CD96: variants seen among roughly 807,000 people sequenced by gnomAD.
The protein encoded by CD96 is CD96 molecule, also known as T-cell surface protein tactile.
Under a neutral mutation model 71.3 loss-of-function variants are expected in CD96, and 70 were observed. The ratio of observed to expected loss-of-function variants is 0.98; its 90% CI spans 0.81 to 1.20. The LOEUF is 1.20. Ranked by LOEUF, CD96 falls within the 50% of genes most tolerant of loss-of-function variation. CD96 has a pLI of 0.00. For synonymous variants in CD96, 248 were observed against 233.0 expected (o/e 1.06, Z -0.59); for missense variants, 742 against 677.5 (o/e 1.10, Z -1.06).
intron 8 of CD96, among the ~76,000 whole-genome samples, chr3:111,612,053 C>T (rs1456403826): frequency 1.3e-5 from 2 of 152,160 alleles, no homozygotes; most frequent in African/African-American, 2.4e-5. Context: ...TGTGTTTAAA[C>T]GTCAACTAAT....
chr3:111,544,749 C>G (rs1233271437), intron 1 of CD96, among the ~76,000 whole-genome samples: 1 of 152,186 alleles, frequency 6.6e-6, no homozygotes, highest in Admixed American at 6.5e-5. Context: ...TTCAAATAGG[C>G]TTAATTTTAT....
At chr3:111,565,423 C>G (rs1471623662) in intron 2 of CD96, among the ~76,000 whole-genome samples, 2 of 151,910 alleles carry the variant, frequency 1.3e-5, no homozygotes, top group Non-Finnish European at 2.9e-5. Flanking sequence ...AGATTCTGGA[C>G]AAAATTTACA....
At chr3:111,642,300 T>G (rs1939628505) in intron 12 of CD96, among the ~76,000 whole-genome samples, 2 of 151,966 alleles carry the variant, frequency 1.3e-5, no homozygotes, top group South Asian at 4.2e-4. Flanking sequence ...AATTAAGAAA[T>G]GAAATGGGAG....
chr3:111,626,810 G>A (rs907576283), intron 10 of CD96, among the ~76,000 whole-genome samples: 4 of 152,110 alleles, frequency 2.6e-5, no homozygotes, highest in Admixed American at 1.3e-4. Flanking sequence ...ACATTATGTT[G>A]AATTAAAAAG....
chr3:111,627,936 G>A (rs112925435), intron 10 of CD96, among the ~76,000 whole-genome samples: 3,933 of 152,078 alleles, frequency 0.026, 168 homozygotes, highest in African/African-American at 0.087. Context: ...CAGACTAGTC[G>A]TTCAAAGAAA....
intron 12 of CD96, among the ~76,000 whole-genome samples, chr3:111,643,061 C>CA (rs748769885): frequency 1.5e-4 from 20 of 131,260 alleles, no homozygotes; most frequent in Non-Finnish European, 3.1e-4. Context: ...ACATAGATGC[C>CA]AAAATCCTTA....
rs1379279554 is a variant in CD96, at chr3:111,549,329, G to A, written c.418+3927G>A. On this transcript the variant is annotated intron_variant, in intron 2 of 13. Coordinates refer to ENST00000352690, the MANE Select transcript of CD96 (RefSeq NM_005816.5). ...CAGGGGAGATTTTAAAAGGTATTAT[G>A]GCTGGAGCAGAGGGATTACAGGTGA... Among the ~76,000 whole-genome samples the A allele has an allele frequency of 3.9e-5, 6 of 152,146 alleles. No homozygotes were observed. The East Asian group carries it at 1.2e-3, about 29-fold the overall frequency.
intron 2 of CD96, among the ~76,000 whole-genome samples, chr3:111,558,020 T>A (rs1257648341): frequency 1.3e-5 from 2 of 148,956 alleles, no homozygotes; most frequent in Non-Finnish European, 3.0e-5. Flanking sequence ...GTGTTGTTGG[T>A]GTATAAGAAT....
At chr3:111,621,509 GA>G (rs140167715) in intron 8 of CD96, among the ~76,000 whole-genome samples, 14,383 of 152,210 alleles carry the variant, frequency 0.094, 937 homozygotes, top group Non-Finnish European at 0.14. Context: ...AAAGGAATAT[GA>G]AGTAACTTTA....
Position 111,600,747 on chromosome 3 carries a change from A to G in CD96, c.920A>G (p.Glu307Gly), listed in dbSNP as rs1488796089. 3 of 1,612,448 alleles carry G rather than the reference A, an allele frequency of 1.9e-6. No individual in the cohort carries two copies. In the Admixed American group the frequency reaches 5.0e-5, roughly 27 times the overall value. ...EKEGIYITNE[E>G]RKGKDGFLEL... ...GCAGGAATATATATTACTAATGAAGAGAGAAAAGGCAAAGATGGATTTTTG... is the reference window on the plus strand; with the variant it reads ...GCAGGAATATATATTACTAATGAAGGGAGAAAAGGCAAAGATGGATTTTTG... Residue 307 changes from glutamate (E) to glycine (G), a missense_variant, in exon 7 of 14, where the codon GAG becomes GGG. Glu to Gly is a moderately conservative substitution (Grantham distance 98). Coordinates refer to ENST00000352690, the MANE Select transcript of CD96 (RefSeq NM_005816.5).
At chr3:111,594,411 A>G in intron 5 of CD96, 1 of 535,400 alleles carries the variant, frequency 1.9e-6, no homozygotes. Context: ...TACAAGCAAA[A>G]CAGCCCAAGA....
intron 2 of CD96, among the ~76,000 whole-genome samples, chr3:111,552,989 C>A (rs947438087): frequency 6.6e-6 from 1 of 151,734 alleles, no homozygotes; most frequent in African/African-American, 2.4e-5. Context: ...TTTATTTAAA[C>A]CCTTATCAAC....
chr3:111,613,316 G>A (rs554398121), intron 8 of CD96, among the ~76,000 whole-genome samples: 5 of 152,208 alleles, frequency 3.3e-5, no homozygotes, highest in East Asian at 3.9e-4. Flanking sequence ...CTTCCCCAAG[G>A]GAGTCCTGAA....
At position 111,545,165 on chromosome 3, in the gene CD96, G is replaced by A. The variant is rs150450686; in HGVS notation, c.181G>A (p.Val61Ile). The A allele has an allele frequency of 4.9e-4, 796 of 1,614,122 alleles. 1 individual carries two copies. In the Middle Eastern group the frequency reaches 6.6e-3, roughly 13 times the overall value. The change falls in exon 2 of 14, where the codon GTC (valine) becomes ATC (isoleucine). Residue 61 changes from valine to isoleucine, a missense_variant. By Grantham distance (29) the Val-to-Ile change is conservative. Coordinates refer to ENST00000352690, the MANE Select transcript of CD96 (RefSeq NM_005816.5). ...CTTCGTGCAGATGCAATGGTCCAAG[G>A]TCACCAATAAGATAGACCTGATTGC... ...GFFVQMQWSK[V>I]TNKIDLIAVY... is the part of the protein sequence containing the mutation.
intron 12 of CD96, 133 bp from the exon 13 acceptor site, chr3:111,647,410 C>T (rs1939881808): frequency 1.2e-6 from 1 of 825,646 alleles, no homozygotes; most frequent in Non-Finnish European, 2.1e-6. Flanking sequence ...AAGGCTTAGA[C>T]ATGCCCACCT....
chr3:111,625,985 C>T (rs1938729650), intron 10 of CD96, among the ~76,000 whole-genome samples: 1 of 152,050 alleles, frequency 6.6e-6, no homozygotes, highest in South Asian at 2.1e-4. Context: ...ACATGAAACA[C>T]ACGTGGCTAG....
intron 12 of CD96, among the ~76,000 whole-genome samples, chr3:111,644,582 C>G (rs1939739794): frequency 6.6e-6 from 1 of 151,832 alleles, no homozygotes; most frequent in African/African-American, 2.4e-5. Context: ...AACAGATGAC[C>G]CAGAGAGTGA....
At chr3:111,636,789 T>A (rs1242299339) in intron 10 of CD96, among the ~76,000 whole-genome samples, 1 of 152,208 alleles carries the variant, frequency 6.6e-6, no homozygotes, top group Admixed American at 6.5e-5. Flanking sequence ...CCCCTATGCA[T>A]GTTCTAGCAA....
At chr3:111,584,478 A>G (rs745628957) in intron 4 of CD96, among the ~76,000 whole-genome samples, 15 of 152,208 alleles carry the variant, frequency 9.9e-5, no homozygotes, top group Non-Finnish European at 1.9e-4. Flanking sequence ...TTATTGTATT[A>G]GTCTGTTTTC....
Sources: allele counts gnomAD v4.1 joint callset (sites outside exome capture counted in the v4.1 genomes callset), GRCh38; gene constraint gnomAD v4.1.1; transcripts MANE v1.5; gene names NCBI Gene and HGNC (gene_info 2026-07-23, HGNC 2026-07-21).